Variants in AJUBA observed in about 807,000 individuals in gnomAD.
AJUBA encodes the protein LIM domain-containing protein ajuba.
AJUBA carries 20 observed loss-of-function variants against 53.3 expected under a neutral mutation model. The observed-to-expected ratio is 0.38, with a 90% CI of 0.26 to 0.55. AJUBA has a LOEUF of 0.55. Among genes scored for constraint, AJUBA ranks in the 20% least tolerant of loss-of-function variants. AJUBA has a pLI of 0.80. For synonymous variants in AJUBA, 296 were observed against 306.2 expected, an observed-to-expected ratio of 0.97 and a Z score of 0.35; for missense variants, 580 against 730.5, an observed-to-expected ratio of 0.79 and a Z score of 2.38.
At position 22,982,520 on chromosome 14, in the gene AJUBA, G is replaced by A. The variant is rs1005665809; in HGVS notation, c.-254C>T. On this transcript the variant is annotated 5_prime_UTR_variant, in exon 1 of 8. Coordinates refer to ENST00000262713, the MANE Select transcript of AJUBA (RefSeq NM_032876.6). ...CTGGCCGCGGCTGTCCAGTCCGCAGGTCTATCTGTTCACGCGTCGACTCGC... is the reference window on the plus strand; with the variant it reads ...CTGGCCGCGGCTGTCCAGTCCGCAGATCTATCTGTTCACGCGTCGACTCGC... The A allele has an allele frequency of 1.5e-6, 2 of 1,367,874 alleles. No individual in the cohort carries two copies. The highest frequency in any genetic ancestry group is 1.5e-5 in the African/African-American group (1 of 65,334). The allele number at this position is 1,367,874 out of a possible 1,614,324, so 84.7% of individuals were successfully genotyped here.
At chr14:22,974,938 C>T (rs952504637) in intron 5 of AJUBA, 36 bp downstream of exon 5, 2 of 1,613,872 alleles carry the variant, frequency 1.2e-6, no homozygotes, top group African/African-American at 2.7e-5. Context: ...AATCCCTGGA[C>T]CCAGTTCCAC....
In AJUBA at chr14:22,982,545, C is replaced by G; in HGVS notation, c.-279G>C. ...GTCTATCTGTTCACGCGTCGACTCG[C>G]CCGACTGCCCCACTCTCCCCGGCCC... On this transcript the variant is annotated 5_prime_UTR_variant, in exon 1 of 8. Coordinates refer to ENST00000262713, the MANE Select transcript of AJUBA (RefSeq NM_032876.6). 7.6e-7 allele frequency: 1 copy of G among 1,319,918 alleles called. No individual in the cohort carries two copies. The highest frequency in any genetic ancestry group is 9.7e-7 in the Non-Finnish European group (1 of 1,036,132). The allele number at this position is 1,319,918 out of a possible 1,614,324, so 81.8% of individuals were successfully genotyped here. A position where few individuals can be genotyped will look rare whatever the true frequency, so the allele number is the denominator to read the frequency against.
In AJUBA at chr14:22,971,492, A is replaced by T. The variant is rs1201080487; in HGVS notation, c.*1951T>A. 1 of 152,238 alleles carries T rather than the reference A, an allele frequency of 6.6e-6. No homozygotes were observed. Among genetic ancestry groups the T allele is most frequent in the Non-Finnish European group, 1.5e-5 (1 of 68,044 alleles). 9.4% of individuals were successfully genotyped at this position (152,238 alleles called of 1,614,324 possible). A position where few individuals can be genotyped will look rare whatever the true frequency, so the allele number is the denominator to read the frequency against. On this transcript the variant is annotated 3_prime_UTR_variant, in exon 8 of 8. Coordinates refer to ENST00000262713, the MANE Select transcript of AJUBA (RefSeq NM_032876.6). ...AGAAAATGAAGACTAAAGATCAAAG[A>T]TTACTAAATTAATTTGCCTAAAACC...
At chr14:22,980,719 C>T (rs1439686459) in intron 1 of AJUBA, 4 of 980,700 alleles carry the variant, frequency 4.1e-6, no homozygotes, top group East Asian at 2.3e-4. Flanking sequence ...GAGCGTCCCC[C>T]GATCCCCGAA....
At position 22,973,528 on chromosome 14, in the gene AJUBA, C is replaced by T. The variant is rs765706440; in HGVS notation, c.1532G>A (p.Cys511Tyr). 6.2e-7 allele frequency: 1 copy of T among 1,614,192 alleles called. No homozygotes were observed. Among genetic ancestry groups the T allele is most frequent in the Non-Finnish European group, 8.5e-7 (1 of 1,180,026 alleles). ...MQLSDEEGCC[C>Y]FPLDGHLLCH... Reference sequence around the variant, plus strand: ...GAGCAAGTGCCCATCCAGAGGGAAACAGCAGCAGCCTTCCTCATCACTCAG... The same window carrying T: ...GAGCAAGTGCCCATCCAGAGGGAAATAGCAGCAGCCTTCCTCATCACTCAG... The change falls in exon 8 of 8, where the codon TGT (cysteine) becomes TAT (tyrosine). Residue 511 changes from cysteine to tyrosine, a missense_variant. Around this residue, in one of 2 missense-constraint regions of AJUBA, gnomAD observed 150 missense variants for 259.0 expected, o/e 0.58. Transcript: ENST00000262713.
At chr14:22,977,920 AC>A (rs939487181) in intron 2 of AJUBA, among the ~76,000 whole-genome samples, 6 of 144,374 alleles carry the variant, frequency 4.2e-5, no homozygotes, top group African/African-American at 1.6e-4. Context: ...CCAAGAGAAA[AC>A]CCCCCTCTCC....
At chr14:22,976,785 C>T (rs959269123) in intron 2 of AJUBA, 73 bp from the exon 3 acceptor site, 13 of 1,574,516 alleles carry the variant, frequency 8.3e-6, no homozygotes, top group African/African-American at 4.1e-5. Flanking sequence ...CACTGCTCCC[C>T]GCTGCTGCAT....
At position 22,974,054 on chromosome 14, in the gene AJUBA, T is replaced by A; in HGVS notation, c.1484A>T (p.His495Leu). 6.2e-7 allele frequency: 1 copy of A among 1,614,100 alleles called. No individual in the cohort carries two copies. Among genetic ancestry groups the A allele is most frequent in the Non-Finnish European group, 8.5e-7 (1 of 1,180,000 alleles). ...CTGAACCCCAACACTCACCTCACAG[T>A]GGTAGCACTCAAAGTGATAATCCCG... is the stretch of plus-strand genomic sequence containing the variant. ...MDRDYHFECY[H>L]CEDCRMQLSD... is the part of the protein sequence containing the mutation. Residue 495 changes from histidine to leucine, a missense_variant, in exon 7 of 8, where the codon CAC becomes CTC. Physicochemically the swap from His to Leu is moderately conservative, Grantham distance 99 (BLOSUM62 -3). Coordinates refer to ENST00000262713, the MANE Select transcript of AJUBA (RefSeq NM_032876.6).
Position 22,971,500 on chromosome 14 carries a change from A to G in AJUBA, c.*1943T>C, listed in dbSNP as rs1196792361. Reference sequence around the variant, plus strand: ...AAGACTAAAGATCAAAGATTACTAAATTAATTTGCCTAAAACCAATTCACC... The same window carrying G: ...AAGACTAAAGATCAAAGATTACTAAGTTAATTTGCCTAAAACCAATTCACC... On this transcript the variant is annotated 3_prime_UTR_variant, in exon 8 of 8. Coordinates refer to ENST00000262713, the MANE Select transcript of AJUBA (RefSeq NM_032876.6). 1 of 152,246 alleles carries G rather than the reference A, an allele frequency of 6.6e-6. No individual in the cohort carries two copies. The highest frequency in any genetic ancestry group is 1.9e-4 in the East Asian group (1 of 5,202). 9.4% of individuals were successfully genotyped at this position (152,246 alleles called of 1,614,324 possible).
At position 22,981,924 on chromosome 14, in the gene AJUBA, C is replaced by G; in HGVS notation, c.343G>C (p.Ala115Pro). The G allele has an allele frequency of 6.4e-7, 1 of 1,556,004 alleles. No homozygotes were observed. Among genetic ancestry groups the G allele is most frequent in the Non-Finnish European group, 8.6e-7 (1 of 1,156,460 alleles). The change falls in exon 1 of 8, where the codon GCC (alanine) becomes CCC (proline). Residue 115 changes from alanine to proline, a missense_variant. Physicochemically the swap from Ala to Pro is conservative, Grantham distance 27. Coordinates refer to ENST00000262713, the MANE Select transcript of AJUBA (RefSeq NM_032876.6). ...LPPDFRLEPT[A>P]PALSPRSSFA... The stretch of plus-strand genomic sequence containing the variant: ...CTAGAGCGGGGGCTGAGGGCCGGGG[C>G]CGTGGGCTCCAGCCGAAAATCGGGG...
At chr14:22,978,727 C>T in intron 1 of AJUBA, 2 of 1,234,670 alleles carry the variant, frequency 1.6e-6, no homozygotes, top group Non-Finnish European at 1.0e-6. Flanking sequence ...AAGATATGGT[C>T]CCTGGCATTC....
rs1172915651 is a variant in AJUBA at position 22,976,015 on chromosome 14, T to C, written c.1239+441A>G. Among the ~76,000 whole-genome samples, 6 of 151,608 alleles carry C rather than the reference T, an allele frequency of 4.0e-5. No individual in the cohort carries two copies. The East Asian group carries it at 1.2e-3, about 29-fold the overall frequency. On this transcript the variant is annotated intron_variant, in intron 4 of 7. Transcript: ENST00000262713. ...TTTTATCTACTAAACATACAAAAAT[T>C]AGCCAGGCATGGTGGCGCATGCCTG...
chr14:22,979,134 T>G lies in AJUBA; in HGVS notation c.1007-689A>C. The G allele has an allele frequency of 8.1e-7, 1 of 1,241,654 alleles. No homozygotes were observed. The highest frequency in any genetic ancestry group is 1.0e-6 in the Non-Finnish European group (1 of 968,120). The allele number at this position is 1,241,654 out of a possible 1,614,324, so 76.9% of individuals were successfully genotyped here. On this transcript the variant is annotated intron_variant, in intron 1 of 7. Transcript: ENST00000262713. This position sits in a 1 kb window ranked among gnomAD's most constrained non-coding sequence, Gnocchi z 4.0. ...TAGCAGAGCCCCTGATGCCTCCTAG[T>G]CACCTTCTATCATGGGAAGAATACA... is the stretch of plus-strand genomic sequence containing the variant.
At chr14:22,980,565 G>A in intron 1 of AJUBA, 2 of 982,894 alleles carry the variant, frequency 2.0e-6, no homozygotes, top group Non-Finnish European at 2.4e-6. Flanking sequence ...ATAGAAGCTG[G>A]TACTACTGGG....
In AJUBA at chr14:22,972,038, G is replaced by A. The variant is rs1380252730; in HGVS notation, c.*1405C>T. The A allele has an allele frequency of 1.3e-5, 2 of 152,540 alleles. No individual in the cohort carries two copies. The highest frequency in any genetic ancestry group is 2.9e-5 in the Non-Finnish European group (2 of 68,030). The allele number at this position is 152,540 out of a possible 1,614,324, so 9.4% of individuals were successfully genotyped here. On this transcript the variant is annotated 3_prime_UTR_variant, in exon 8 of 8. Coordinates refer to ENST00000262713, the MANE Select transcript of AJUBA (RefSeq NM_032876.6). ...ATCCAAAGCATGACAAAAAAGAATA[G>A]GACACCTAAATGGATATAAACACAC... is the stretch of plus-strand genomic sequence containing the variant.
rs2139359842 is a variant in AJUBA at position 22,982,178 on chromosome 14, G to T, written c.89C>A (p.Thr30Asn). Reference sequence around the variant, plus strand: ...TAGGCGCCCCTTGCCCGGCCCGGGGGTCCCGTCAGACCCAGACCGGCTAGA... The same window carrying T: ...TAGGCGCCCCTTGCCCGGCCCGGGGTTCCCGTCAGACCCAGACCGGCTAGA... ...GESSRSGSDG[T>N]PGPGKGRLSG... The change falls in exon 1 of 8, where the codon ACC becomes AAC. Residue 30 changes from threonine to asparagine, a missense_variant. By Grantham distance (65) the Thr-to-Asn change is moderately conservative. This residue lies in a region of AJUBA where 430 missense variants were observed against 471.5 expected (regional missense o/e 0.91). Transcript: ENST00000262713. 1 of 1,613,564 alleles carries T rather than the reference G, an allele frequency of 6.2e-7. No homozygotes were observed. Among genetic ancestry groups the T allele is most frequent in the Non-Finnish European group, 8.5e-7 (1 of 1,179,768 alleles).
chr14:22,981,608 G>A lies in AJUBA; in HGVS notation c.659C>T (p.Ala220Val), dbSNP rs1397058735. Residue 220 changes from alanine (A) to valine (V), a missense_variant, in exon 1 of 8, where the codon GCG (alanine) becomes GTG (valine). By Grantham distance (64) the Ala-to-Val change is moderately conservative (BLOSUM62 0). Coordinates refer to ENST00000262713, the MANE Select transcript of AJUBA (RefSeq NM_032876.6). ...ALDRLYAQRP[A>V]GFGCQESRHS... is the part of the protein sequence containing the mutation. ...GCGGCTTTCCTGGCAGCCGAACCCC[G>A]CGGGCCGCTGAGCGTACAATCGGTC... is the stretch of plus-strand genomic sequence containing the variant. 2.6e-6 allele frequency: 4 copies of A among 1,532,822 alleles called. No homozygotes were observed. Among genetic ancestry groups the A allele is most frequent in the Non-Finnish European group, 3.5e-6 (4 of 1,143,022 alleles). The allele number at this position is 1,532,822 out of a possible 1,614,324, so 95.0% of individuals were successfully genotyped here.
chr14:22,981,179 C>T (rs1053252186), intron 1 of AJUBA, 82 bp downstream of exon 1: 3 of 1,489,690 alleles, frequency 2.0e-6, no homozygotes, highest in Non-Finnish European at 2.7e-6. Context: ...CCCGGGGCAC[C>T]GGCACTTTGG....
In AJUBA at chr14:22,973,677, G is replaced by A. The variant is rs544849886; in HGVS notation, c.1492-109C>T. The A allele has an allele frequency of 5.1e-4, 747 of 1,453,150 alleles. 11 individuals carry two copies. In the South Asian group the frequency reaches 9.3e-3, roughly 18 times the overall value. 90.0% of individuals were successfully genotyped at this position (1,453,150 alleles called of 1,614,324 possible). A position where few individuals can be genotyped will look rare whatever the true frequency, so the allele number is the denominator to read the frequency against. On this transcript the variant is annotated intron_variant, in intron 7 of 7. Transcript: ENST00000262713. The stretch of plus-strand genomic sequence containing the variant: ...TGACTCCTAATAACTGGAAGAAAGG[G>A]ATGGGGTGGGAAGGGAAGGATGGAA...
Sources: gnomAD v4.1 joint callset for allele counts (sites outside exome capture counted in the v4.1 genomes callset) on GRCh38, gnomAD v4.1.1 for gene constraint, gnomAD v4.1.1 regional missense constraint, Gnocchi (gnomAD v3.1) non-coding constraint, MANE v1.5 for transcripts, NCBI Gene and HGNC (gene_info 2026-07-23, HGNC 2026-07-21) for gene names.